Variants in DPP9 observed in about 807,000 individuals in gnomAD.
The protein encoded by DPP9 is dipeptidyl peptidase IV-related protein-2.
DPP9 carries 50 observed loss-of-function variants against 110.7 expected under a neutral mutation model. The ratio of observed to expected loss-of-function variants is 0.45; its 90% CI spans 0.36 to 0.57. The LOEUF (loss-of-function observed/expected upper bound fraction) is 0.57, where lower values mean the gene tolerates loss of function less well. DPP9 is among the 20% of genes least tolerant of loss of function. DPP9 has a pLI of 0.00. For missense variants in DPP9, 1,022 were observed against 1,217.9 expected (o/e 0.84, Z 2.39); for synonymous variants, 561 against 514.4 (o/e 1.09, Z -1.23).
chr19:4,710,402 G>C lies in DPP9; in HGVS notation c.313+3679C>G, dbSNP rs867416063. Among the ~76,000 whole-genome samples the C allele has an allele frequency of 6.6e-6, 1 of 152,224 alleles. No homozygotes were observed. The highest frequency in any genetic ancestry group is 6.5e-5 in the Admixed American group (1 of 15,284). On this transcript the variant is annotated intron_variant, in intron 4 of 21. Coordinates refer to ENST00000262960, the MANE Select transcript of DPP9 (RefSeq NM_139159.5). This position sits in a 1 kb window ranked among gnomAD's most constrained non-coding sequence, Gnocchi z 5.6. ...GTTTGCAGTGGGGAGAGGCTGATCCGCGTGGGGCGGGAGCGGGGTCGGGAG... is the reference window on the plus strand; with the variant it reads ...GTTTGCAGTGGGGAGAGGCTGATCCCCGTGGGGCGGGAGCGGGGTCGGGAG...
chr19:4,700,353 G>A lies in DPP9; in HGVS notation c.1013-76C>T. ...CCGAGAGCCGGCACGGGGGGCCTGG[G>A]CTGTGGGGTGACGTCCACAGAGAGG... is the stretch of plus-strand genomic sequence containing the variant. On this transcript the variant is annotated intron_variant, in intron 9 of 21. Coordinates refer to ENST00000262960, the MANE Select transcript of DPP9 (RefSeq NM_139159.5). The surrounding 1 kb of genome is among the most constrained non-coding windows in gnomAD (Gnocchi z 4.3). 1 of 1,276,802 alleles carries A rather than the reference G, an allele frequency of 7.8e-7. No individual in the cohort carries two copies. Among genetic ancestry groups the A allele is most frequent in the Non-Finnish European group, 1.1e-6 (1 of 923,700 alleles). The allele number at this position is 1,276,802 out of a possible 1,614,324, so 79.1% of individuals were successfully genotyped here. A position where few individuals can be genotyped will look rare whatever the true frequency, so the allele number is the denominator to read the frequency against.
At chr19:4,705,761 G>T in intron 5 of DPP9, 97 bp downstream of exon 5, 1 of 1,174,070 alleles carries the variant, frequency 8.5e-7, no homozygotes, top group Non-Finnish European at 1.2e-6. Flanking sequence ...CACAGCCGGT[G>T]GGGCAGAGAG....
rs1307623697 is a variant in DPP9, at chr19:4,684,859, G to A, written c.2032-50C>T. 1.2e-5 allele frequency: 19 copies of A among 1,558,676 alleles called. No individual in the cohort carries two copies. The highest frequency in any genetic ancestry group is 1.2e-4 in the Admixed American group (6 of 51,746). ...TCCAGCACGAGATGCCGGGCAGGAC[G>A]GGCCTGGCAGGGGAGATGCCGGTGG... On this transcript the variant is annotated intron_variant, in intron 17 of 21. Coordinates refer to ENST00000262960, the MANE Select transcript of DPP9 (RefSeq NM_139159.5). This position sits in a 1 kb window ranked among gnomAD's most constrained non-coding sequence, Gnocchi z 4.8.
Position 4,675,855 on chromosome 19 carries a change from T to C in DPP9, c.*709A>G, listed in dbSNP as rs185400223. ...GGTGCGATCTTGGCTCACCGCAACC[T>C]CCACCTCCCGGGTTCAAGCGATTCT... On this transcript the variant is annotated 3_prime_UTR_variant, in exon 22 of 22. Coordinates refer to ENST00000262960, the MANE Select transcript of DPP9 (RefSeq NM_139159.5). 2,838 of 152,514 alleles carry C rather than the reference T, an allele frequency of 0.019. 50 individuals are homozygous for C. Among genetic ancestry groups the C allele is most frequent in the African/African-American group, 0.044 (1,838 of 41,548 alleles). 9.4% of individuals were successfully genotyped at this position (152,514 alleles called of 1,614,324 possible). A position where few individuals can be genotyped will look rare whatever the true frequency, so the allele number is the denominator to read the frequency against.
intron 7 of DPP9, 142 bp downstream of exon 7, chr19:4,703,744 A>T: frequency 3.7e-6 from 3 of 806,364 alleles, no homozygotes; most frequent in Non-Finnish European, 5.8e-6. Flanking sequence ...CCCGGGAGAC[A>T]TGGTAGGCTA....
chr19:4,701,921 G>T, intron 9 of DPP9, 106 bp downstream of exon 9: 1 of 1,469,460 alleles, frequency 6.8e-7, no homozygotes, highest in African/African-American at 1.4e-5. Flanking sequence ...GATGCCCAGA[G>T]CACACACATG....
rs1248866185 is a variant in DPP9 at position 4,689,494 on chromosome 19, C to A, written c.1749+76G>T. ...ATGAGAATGACCCTGAGTGCTGTGC[C>A]GGGCCATGAGGGACTGCTCTGGCTG... On this transcript the variant is annotated intron_variant, in intron 15 of 21. Transcript: ENST00000262960. The surrounding 1 kb of genome is among the most constrained non-coding windows in gnomAD (Gnocchi z 7.0). 6.7e-7 allele frequency: 1 copy of A among 1,500,886 alleles called. No homozygotes were observed. The highest frequency in any genetic ancestry group is 1.2e-5 in the South Asian group (1 of 81,346). The allele number at this position is 1,500,886 out of a possible 1,614,324, so 93.0% of individuals were successfully genotyped here.
chr19:4,691,750 T>C lies in DPP9; in HGVS notation c.1517-793A>G, dbSNP rs552672121. Reference sequence around the variant, plus strand: ...TGGAGTGCAATGGCGTGATTTTGGCTCACTGCAACCTCCGTCTCCTGGGTT... The same window carrying C: ...TGGAGTGCAATGGCGTGATTTTGGCCCACTGCAACCTCCGTCTCCTGGGTT... On this transcript the variant is annotated intron_variant, in intron 13 of 21. Coordinates refer to ENST00000262960, the MANE Select transcript of DPP9 (RefSeq NM_139159.5). Among the ~76,000 whole-genome samples the C allele has an allele frequency of 2.7e-5, 4 of 149,356 alleles. No homozygotes were observed. In the South Asian group the frequency reaches 8.5e-4, roughly 32 times the overall value.
chr19:4,689,316 G>A lies in DPP9; in HGVS notation c.1749+254C>T, dbSNP rs1011241420. 1.3e-5 allele frequency among the ~76,000 whole-genome samples: 2 copies of A among 152,250 alleles called. No individual in the cohort carries two copies. Among genetic ancestry groups the A allele is most frequent in the Non-Finnish European group, 1.5e-5 (1 of 68,028 alleles). The stretch of plus-strand genomic sequence containing the variant: ...AGGGCCACATCCCACCGCACACAGA[G>A]CGGCGGAGCCCCAGCTCAGCGGACG... On this transcript the variant is annotated intron_variant, in intron 15 of 21. Transcript: ENST00000262960. This position sits in a 1 kb window ranked among gnomAD's most constrained non-coding sequence, Gnocchi z 7.0.
Position 4,695,770 on chromosome 19 carries a change from A to G in DPP9, c.1176-215T>C, listed in dbSNP as rs1040727748. Reference sequence around the variant, plus strand: ...AGGACAGGATGGGTGACAAGATTTCATGATCCAAGTGTTCCGGAAACAATG... The same window carrying G: ...AGGACAGGATGGGTGACAAGATTTCGTGATCCAAGTGTTCCGGAAACAATG... On this transcript the variant is annotated intron_variant, in intron 11 of 21. Transcript: ENST00000262960. This position sits in a 1 kb window ranked among gnomAD's most constrained non-coding sequence, Gnocchi z 4.7. Among the ~76,000 whole-genome samples the G allele has an allele frequency of 2.0e-5, 3 of 152,198 alleles. No homozygotes were observed. Among genetic ancestry groups the G allele is most frequent in the African/African-American group, 4.8e-5 (2 of 41,448 alleles).
rs920251925 is a variant in DPP9, at chr19:4,693,424, C to T, written c.1516+1237G>A. Reference sequence around the variant, plus strand: ...CTGGCCCATACAGCATCTCCACTACCGGGCACCTCAACTTGAACACATCCA... The same window carrying T: ...CTGGCCCATACAGCATCTCCACTACTGGGCACCTCAACTTGAACACATCCA... On this transcript the variant is annotated intron_variant, in intron 13 of 21. Coordinates refer to ENST00000262960, the MANE Select transcript of DPP9 (RefSeq NM_139159.5). This position sits in a 1 kb window ranked among gnomAD's most constrained non-coding sequence, Gnocchi z 5.0. Among the ~76,000 whole-genome samples, 5 of 152,140 alleles carry T rather than the reference C, an allele frequency of 3.3e-5. No individual in the cohort carries two copies. The highest frequency in any genetic ancestry group is 4.8e-5 in the African/African-American group (2 of 41,438).
intron 14 of DPP9, 140 bp downstream of exon 14, chr19:4,690,738 T>TGTGTGTGC: frequency 1.4e-6 from 1 of 707,492 alleles, no homozygotes. Flanking sequence ...TCCTCACAGG[T>TGTGTGTGC]GTGTGTGCGT....
rs1009121143 is a variant in DPP9 at position 4,676,970 on chromosome 19, G to T, written c.2587-314C>A. Among the ~76,000 whole-genome samples the T allele has an allele frequency of 7.2e-5, 11 of 152,170 alleles. No homozygotes were observed. Among genetic ancestry groups the T allele is most frequent in the African/African-American group, 2.7e-4 (11 of 41,428 alleles). ...ACCGTTTGCCTCTTTCCCCCAAACC[G>T]GCTGACGGGCGACCAACTCATCTCT... On this transcript the variant is annotated intron_variant, in intron 21 of 21. Coordinates refer to ENST00000262960, the MANE Select transcript of DPP9 (RefSeq NM_139159.5). This position sits in a 1 kb window ranked among gnomAD's most constrained non-coding sequence, Gnocchi z 4.0.
chr19:4,706,868 C>T lies in DPP9; in HGVS notation c.314-898G>A, dbSNP rs1012392581. 2.0e-5 allele frequency among the ~76,000 whole-genome samples: 3 copies of T among 152,142 alleles called. No individual in the cohort carries two copies. In the East Asian group the frequency reaches 5.8e-4, roughly 29 times the overall value. ...TGGTCCAGTATTTCCCAACCTCGCC[C>T]CTAATTACATTCGGGCCTGGACCAT... On this transcript the variant is annotated intron_variant, in intron 4 of 21. Transcript: ENST00000262960.
At chr19:4,712,713 A>G (rs967055527) in intron 4 of DPP9, among the ~76,000 whole-genome samples, 1 of 152,198 alleles carries the variant, frequency 6.6e-6, no homozygotes, top group Non-Finnish European at 1.5e-5. Flanking sequence ...GACGGCTGTC[A>G]CCTGCCGACC....
rs901809836 is a variant in DPP9, at chr19:4,718,440, G to A, written c.56+1411C>T. ...GCAAGGGGCGTATGGGGGTGGTGAG[G>A]ACAGGGTCCTACCCATGCGCTGGAT... On this transcript the variant is annotated intron_variant, in intron 3 of 21. Coordinates refer to ENST00000262960, the MANE Select transcript of DPP9 (RefSeq NM_139159.5). This position sits in a 1 kb window ranked among gnomAD's most constrained non-coding sequence, Gnocchi z 4.3. Among the ~76,000 whole-genome samples, 11 of 152,198 alleles carry A rather than the reference G, an allele frequency of 7.2e-5. No homozygotes were observed. The highest frequency in any genetic ancestry group is 1.9e-4 in the African/African-American group (8 of 41,452).
intron 18 of DPP9, 125 bp from the exon 19 acceptor site, chr19:4,683,754 C>A: frequency 6.3e-7 from 1 of 1,594,020 alleles, no homozygotes; most frequent in East Asian, 2.3e-5. Context: ...CTGGAAGCCC[C>A]CTGTCCTTCC....
intron 4 of DPP9, among the ~76,000 whole-genome samples, chr19:4,707,160 T>C (rs748007961): frequency 9.9e-5 from 15 of 152,148 alleles, no homozygotes; most frequent in Non-Finnish European, 1.9e-4. Context: ...CTCGGCACAA[T>C]GTGTGTGACC....
chr19:4,721,761 G>A (rs989952644), intron 2 of DPP9, among the ~76,000 whole-genome samples: 1 of 152,206 alleles, frequency 6.6e-6, no homozygotes, highest in African/African-American at 2.4e-5. Flanking sequence ...AGGGGTGACA[G>A]AGCGAGGTTC....
Sources: gnomAD v4.1 joint callset for allele counts (sites outside exome capture counted in the v4.1 genomes callset) on GRCh38, gnomAD v4.1.1 for gene constraint, Gnocchi (gnomAD v3.1) non-coding constraint, MANE v1.5 for transcripts, NCBI Gene and HGNC (gene_info 2026-07-23, HGNC 2026-07-21) for gene names.